PPIL3: variants seen among roughly 807,000 people sequenced by gnomAD.
PPIL3 encodes peptidyl-prolyl cis-trans isomerase-like 3.
PPIL3 carries 13 observed loss-of-function variants against 20.9 expected under a neutral mutation model. That is an observed-to-expected ratio of 0.62 (90% CI 0.40 to 0.99). PPIL3 has a LOEUF of 0.99. PPIL3 is among the 50% of genes least tolerant of loss of function. The pLI, the probability that PPIL3 is intolerant of heterozygous loss-of-function variation, is 0.00. For missense variants in PPIL3, 170 were observed against 195.2 expected (o/e 0.87, Z 0.77); for synonymous variants, 71 against 64.4 (o/e 1.10, Z -0.49).
intron 5 of PPIL3, among the ~76,000 whole-genome samples, chr2:200,879,414 C>T (rs575876849): frequency 4.6e-5 from 7 of 152,196 alleles, no homozygotes; most frequent in Admixed American, 2.6e-4. Flanking sequence ...CCACCGCGCC[C>T]GGCCTATATA....
rs2039993810 is a variant in PPIL3 at position 200,887,620 on chromosome 2, CCT to C, written c.-7_-6del. On this transcript the variant is annotated 5_prime_UTR_variant, in exon 2 of 7. Coordinates refer to ENST00000392283, the MANE Select transcript of PPIL3 (RefSeq NM_130906.3). ...AAATTGCTCAAAACTTACCATTTTT[CCT>C]CTTAGTGGTTTCAGGAAGGACTACG... The C allele has an allele frequency of 7.5e-6, 12 of 1,603,056 alleles. No individual in the cohort carries two copies. The East Asian group carries it at 1.6e-4, about 21-fold the overall frequency.
At chr2:200,875,744 T>A (rs2039487232) in intron 6 of PPIL3, among the ~76,000 whole-genome samples, 1 of 152,140 alleles carries the variant, frequency 6.6e-6, no homozygotes, top group African/African-American at 2.4e-5. Flanking sequence ...GGCTAATTTT[T>A]AAATTTTTTT....
chr2:200,873,799 G>T (rs1372051354), intron 6 of PPIL3, among the ~76,000 whole-genome samples: 1 of 151,942 alleles, frequency 6.6e-6, no homozygotes, highest in Admixed American at 6.6e-5. Context: ...CCCGTCACAT[G>T]AGGTCAGATG....
At chr2:200,882,577 A>G in intron 3 of PPIL3, 142 bp from the exon 4 acceptor site, 1 of 661,118 alleles carries the variant, frequency 1.5e-6, no homozygotes, top group South Asian at 1.6e-5. Context: ...TTCCCTGCCT[A>G]CAACACTTCA....
At chr2:200,875,057 C>A (rs1432345666) in intron 6 of PPIL3, among the ~76,000 whole-genome samples, 1 of 152,170 alleles carries the variant, frequency 6.6e-6, no homozygotes, top group Admixed American at 6.5e-5. Context: ...AACGAACAGA[C>A]AAATTGACTT....
intron 6 of PPIL3, among the ~76,000 whole-genome samples, chr2:200,875,584 T>C (rs2039483092): frequency 6.6e-6 from 1 of 151,708 alleles, no homozygotes; most frequent in Non-Finnish European, 1.5e-5. Context: ...TTTCTATCTT[T>C]TTTTTTTTAG....
chr2:200,885,327 C>A, intron 3 of PPIL3: 1 of 353,356 alleles, frequency 2.8e-6, no homozygotes, highest in Non-Finnish European at 5.0e-6. Context: ...GCCGAGATCG[C>A]GCCATTGTAC....
At chr2:200,884,747 A>T (rs938613770) in intron 3 of PPIL3, among the ~76,000 whole-genome samples, 18 of 152,000 alleles carry the variant, frequency 1.2e-4, no homozygotes, top group Non-Finnish European at 2.4e-4. Flanking sequence ...CTCAAAAAAA[A>T]AAAAAGTATA....
chr2:200,889,181 T>G (rs567515120), upstream of PPIL3: 1 of 390,464 alleles, frequency 2.6e-6, no homozygotes, highest in Non-Finnish European at 5.1e-6. Flanking sequence ...AACCGGAAAT[T>G]TGACAGTGAA....
At chr2:200,873,133 G>A (rs1209692954) in intron 6 of PPIL3, among the ~76,000 whole-genome samples, 14 of 151,700 alleles carry the variant, frequency 9.2e-5, no homozygotes, top group Non-Finnish European at 2.9e-5. Flanking sequence ...CTCCCAAAGT[G>A]TTGGGATTCA....
intron 6 of PPIL3, among the ~76,000 whole-genome samples, chr2:200,874,068 G>A (rs1319856750): frequency 6.6e-5 from 10 of 151,582 alleles, no homozygotes; most frequent in Non-Finnish European, 1.2e-4. Flanking sequence ...AGCCGGGCGC[G>A]GTGGCGGGCG....
At chr2:200,874,186 CAG>C (rs1453926287) in intron 6 of PPIL3, among the ~76,000 whole-genome samples, 2 of 123,514 alleles carry the variant, frequency 1.6e-5, no homozygotes, top group Non-Finnish European at 3.2e-5. Context: ...GCCTGGGCGA[CAG>C]AGTGAGACTC....
intron 5 of PPIL3, among the ~76,000 whole-genome samples, chr2:200,879,300 TGGC>T (rs879702741): frequency 0.017 from 2,527 of 152,118 alleles, 34 homozygotes; most frequent in Non-Finnish European, 0.026. Context: ...TTGTATTTTT[TGGC>T]AGAGACGGGG....
At position 200,877,008 on chromosome 2, in the gene PPIL3, A is replaced by G. The variant is rs866800158; in HGVS notation, c.270T>C (p.Ala90=). ...KHNVRGVVSM[A]NNGPNTNGSQ... Reference sequence around the variant, plus strand: ...ATCCATTGGTGTTCGGGCCATTATTAGCCATAGATACAACACCTCTAACAT... The same window carrying G: ...ATCCATTGGTGTTCGGGCCATTATTGGCCATAGATACAACACCTCTAACAT... Residue 90 remains alanine, a synonymous_variant, in exon 6 of 7, where the codon GCT becomes GCC. Coordinates refer to ENST00000392283, the MANE Select transcript of PPIL3 (RefSeq NM_130906.3). 1.2e-6 allele frequency: 2 copies of G among 1,612,948 alleles called. No homozygotes were observed. Among genetic ancestry groups the G allele is most frequent in the African/African-American group, 1.3e-5 (1 of 74,908 alleles).
chr2:200,882,374 T>C lies in PPIL3; in HGVS notation c.140A>G (p.Lys47Arg), dbSNP rs750089020. 3 of 1,607,010 alleles carry C rather than the reference T, an allele frequency of 1.9e-6. No individual in the cohort carries two copies. The South Asian group carries it at 3.3e-5, about 18-fold the overall frequency. ...ATCTCCTGTTTGAACCATGAAACCC[T>C]TGATATTCCTATGAAATATACAGCC... The part of the protein sequence containing the change: ...YNGCIFHRNI[K>R]GFMVQTGDPT... The change falls in exon 4 of 7, where the codon AAG (lysine) becomes AGG (arginine). Residue 47 changes from lysine (K) to arginine (R), a missense_variant. Transcript: ENST00000392283.
intron 2 of PPIL3, among the ~76,000 whole-genome samples, chr2:200,886,686 A>C (rs2039948690): frequency 1.3e-5 from 2 of 152,174 alleles, no homozygotes; most frequent in Non-Finnish European, 2.9e-5. Context: ...TCTGCCTCCC[A>C]AAGTGCCGAG....
chr2:200,878,012 C>A (rs1286180849), intron 5 of PPIL3, among the ~76,000 whole-genome samples: 1 of 152,234 alleles, frequency 6.6e-6, no homozygotes, highest in African/African-American at 2.4e-5. Context: ...ACCAATTACT[C>A]TAGCTTTAGC....
In PPIL3 at chr2:200,883,761, T is replaced by C. The variant is rs148684965; in HGVS notation, c.79-1326A>G. The stretch of plus-strand genomic sequence containing the variant: ...GGGCAAGATAGCCTTTCACGAATAA[T>C]GGGTTTCTTGTTTCGTTTTGAGACA... On this transcript the variant is annotated intron_variant, in intron 3 of 6. Transcript: ENST00000392283. Among the ~76,000 whole-genome samples the C allele has an allele frequency of 1.9e-3, 289 of 152,288 alleles. 6 individuals carry two copies. Among genetic ancestry groups the C allele is most frequent in the Non-Finnish European group, 2.2e-3 (149 of 68,014 alleles).
chr2:200,876,930 G>C lies in PPIL3; in HGVS notation c.348C>G (p.Thr116=). The C allele has an allele frequency of 1.3e-6, 2 of 1,599,100 alleles. No individual in the cohort carries two copies. Among genetic ancestry groups the C allele is most frequent in the South Asian group, 2.2e-5 (2 of 90,698 alleles). ...ACCAGAATACTCACTTTCCAAATAC[G>C]GTGTATTTCATGTCCAAATGTGGCT... ...GKQPHLDMKY[T]VFGKVIDGLE... The change falls in exon 6 of 7, where the codon ACC becomes ACG. Residue 116 remains threonine (T), a synonymous_variant. Coordinates refer to ENST00000392283, the MANE Select transcript of PPIL3 (RefSeq NM_130906.3).
Sources: allele counts gnomAD v4.1 joint callset (sites outside exome capture counted in the v4.1 genomes callset), GRCh38; gene constraint gnomAD v4.1.1; transcripts MANE v1.5; gene names NCBI Gene and HGNC (gene_info 2026-07-23, HGNC 2026-07-21).